NPAS3: variants seen among roughly 807,000 people sequenced by gnomAD.
NPAS3 encodes neuronal PAS domain protein 3, also known as neuronal PAS domain-containing protein 3.
In NPAS3, 14 loss-of-function variants were observed where a neutral mutation model predicts 73.1. The observed-to-expected ratio is 0.19, with a 90% CI of 0.13 to 0.30. NPAS3 has a LOEUF of 0.30. NPAS3 is among the 10% of genes least tolerant of loss of function. The probability of loss-of-function intolerance (pLI) is 1.00; values close to 1 mark genes in which losing one functional copy is unlikely to be tolerated. For missense variants in NPAS3, 1,096 were observed against 1,250.0 expected, an observed-to-expected ratio of 0.88 and a Z score of 1.86; for synonymous variants, 620 against 541.5, an observed-to-expected ratio of 1.14 and a Z score of -2.01.
At chr14:33,665,617 A>T (rs1373951507) in intron 5 of NPAS3, among the ~76,000 whole-genome samples, 1 of 152,152 alleles carries the variant, frequency 6.6e-6, no homozygotes, top group African/African-American at 2.4e-5. Context: ...AAAACATCTC[A>T]TGTACCCCAT....
chr14:33,737,801 T>C (rs1351225132), intron 7 of NPAS3, among the ~76,000 whole-genome samples: 2 of 152,108 alleles, frequency 1.3e-5, no homozygotes, highest in Non-Finnish European at 2.9e-5. Flanking sequence ...ATAAAACTGG[T>C]AATCACCCCA....
intron 3 of NPAS3, among the ~76,000 whole-genome samples, chr14:33,228,572 TG>T (rs1656639003): frequency 2.0e-5 from 3 of 152,254 alleles, no homozygotes; most frequent in South Asian, 4.2e-4. Flanking sequence ...GGATCCGAAA[TG>T]GGTTATTTTC....
intron 8 of NPAS3, among the ~76,000 whole-genome samples, chr14:33,778,153 G>A (rs1346744795): frequency 1.3e-5 from 2 of 152,138 alleles, no homozygotes; most frequent in Non-Finnish European, 2.9e-5. Flanking sequence ...TGAGGATCTT[G>A]CATTGTTACT....
intron 5 of NPAS3, among the ~76,000 whole-genome samples, chr14:33,655,797 C>G (rs1258503922): frequency 6.6e-6 from 1 of 152,138 alleles, no homozygotes; most frequent in Non-Finnish European, 1.5e-5. Flanking sequence ...CCCCTCATAT[C>G]TCTTCAAGGT....
chr14:32,966,123 ACTC>A (rs2037147278), intron 1 of NPAS3, among the ~76,000 whole-genome samples: 1 of 152,180 alleles, frequency 6.6e-6, no homozygotes, highest in Non-Finnish European at 1.5e-5. Context: ...TGGCCATACT[ACTC>A]AAAGCAATCT....
intron 5 of NPAS3, among the ~76,000 whole-genome samples, chr14:33,589,670 A>G (rs1305477338): frequency 1.3e-5 from 2 of 152,066 alleles, no homozygotes; most frequent in African/African-American, 4.8e-5. Flanking sequence ...GTTTTCCTTA[A>G]TCATACTTGA....
At chr14:32,939,036 G>A (rs942142215), upstream of NPAS3, among the ~76,000 whole-genome samples, 1 of 145,742 alleles carries the variant, frequency 6.9e-6, no homozygotes, top group Non-Finnish European at 1.5e-5. Context: ...GGGAGCACCG[G>A]CGGCGCGAGG....
At chr14:33,465,613 A>C (rs760809589) in intron 4 of NPAS3, among the ~76,000 whole-genome samples, 47 of 152,196 alleles carry the variant, frequency 3.1e-4, no homozygotes, top group Non-Finnish European at 6.6e-4. Context: ...GCAGAAACTG[A>C]AGCCTAGAAA....
intron 6 of NPAS3, among the ~76,000 whole-genome samples, chr14:33,702,820 T>C (rs2060557611): frequency 6.6e-6 from 1 of 152,174 alleles, no homozygotes; most frequent in Non-Finnish European, 1.5e-5. Flanking sequence ...ACCACTCTTG[T>C]CAGTAAGGAT....
intron 4 of NPAS3, among the ~76,000 whole-genome samples, chr14:33,462,216 A>G (rs909896314): frequency 5.9e-5 from 9 of 152,184 alleles, no homozygotes; most frequent in Admixed American, 2.0e-4. Flanking sequence ...GGGCAACATT[A>G]GGCAAGTCGA....
At chr14:33,092,723 A>G (rs952261228) in intron 2 of NPAS3, among the ~76,000 whole-genome samples, 2 of 152,228 alleles carry the variant, frequency 1.3e-5, no homozygotes, top group Non-Finnish European at 2.9e-5. Context: ...AAACTATGCT[A>G]CAAGGCTGCA....
At chr14:33,123,057 C>T (rs2043289435) in intron 2 of NPAS3, among the ~76,000 whole-genome samples, 1 of 152,024 alleles carries the variant, frequency 6.6e-6, no homozygotes, top group African/African-American at 2.4e-5. Context: ...CATTGCTGCA[C>T]ACAACAAAGA....
At chr14:33,422,092 C>T (rs2048380231) in intron 4 of NPAS3, among the ~76,000 whole-genome samples, 2 of 151,848 alleles carry the variant, frequency 1.3e-5, no homozygotes, top group Admixed American at 1.3e-4. Context: ...TATTTGGTGT[C>T]CTTAGTGAAT....
intron 6 of NPAS3, among the ~76,000 whole-genome samples, chr14:33,704,735 T>C (rs910723343): frequency 3.8e-4 from 58 of 152,338 alleles, no homozygotes; most frequent in African/African-American, 1.4e-3. Flanking sequence ...GCAGAGTAAC[T>C]GCTCACATTA....
chr14:32,982,613 T>C (rs1299324337), intron 1 of NPAS3, among the ~76,000 whole-genome samples: 5 of 152,176 alleles, frequency 3.3e-5, no homozygotes, highest in Non-Finnish European at 7.3e-5. Flanking sequence ...TGCTCTTACT[T>C]CTGTTATAAA....
intron 3 of NPAS3, among the ~76,000 whole-genome samples, chr14:33,280,494 C>T (rs999325194): frequency 1.3e-5 from 2 of 152,094 alleles, no homozygotes; most frequent in Non-Finnish European, 2.9e-5. Context: ...TTGCCACTAG[C>T]TATGAGACAC....
At chr14:33,447,398 G>A (rs561551844) in intron 4 of NPAS3, among the ~76,000 whole-genome samples, 2 of 152,256 alleles carry the variant, frequency 1.3e-5, no homozygotes, top group East Asian at 1.9e-4. Flanking sequence ...GCGCACGCAC[G>A]CATTTGTAGG....
At chr14:33,092,023 G>A (rs1176505004) in intron 2 of NPAS3, among the ~76,000 whole-genome samples, 3 of 152,136 alleles carry the variant, frequency 2.0e-5, no homozygotes, top group African/African-American at 7.2e-5. Context: ...CATACTGAAT[G>A]GGCAACAACT....
chr14:33,014,489 A>G (rs535837276), intron 1 of NPAS3, among the ~76,000 whole-genome samples: 1 of 152,312 alleles, frequency 6.6e-6, no homozygotes, highest in South Asian at 2.1e-4. Context: ...TCTTCAGACA[A>G]TGATCACATC....
Sources: allele counts gnomAD v4.1 joint callset (sites outside exome capture counted in the v4.1 genomes callset), GRCh38; gene constraint gnomAD v4.1.1; transcripts MANE v1.5; gene names NCBI Gene and HGNC (gene_info 2026-07-23, HGNC 2026-07-21).